Variants in APOO observed in about 807,000 individuals in gnomAD.
APOO encodes MICOS complex subunit MIC26.
APOO carries 11 observed loss-of-function variants against 23.1 expected under a neutral mutation model. That is an observed-to-expected ratio of 0.48 (90% CI 0.30 to 0.79). The LOEUF (loss-of-function observed/expected upper bound fraction) is 0.79. Ranked by LOEUF, APOO falls within the 30% of genes least tolerant of loss-of-function variation. APOO has a pLI of 0.07. For missense variants in APOO, 160 were observed against 142.7 expected, an observed-to-expected ratio of 1.12 and a Z score of -0.62; for synonymous variants, 59 against 54.8, an observed-to-expected ratio of 1.08 and a Z score of -0.34.
At chrX:23,886,728 C>T (rs765777370) in intron 1 of APOO, among the ~76,000 whole-genome samples, 7 of 111,635 alleles carry the variant, frequency 6.3e-5, no homozygotes, top group Non-Finnish European at 1.3e-4. Context: ...GATGACCCCA[C>T]CCTGCCTCAG....
At chrX:23,841,799 C>T (rs1395496256) in intron 7 of APOO, among the ~76,000 whole-genome samples, 1 of 110,599 alleles carries the variant, frequency 9.0e-6, no homozygotes, top group African/African-American at 3.3e-5. Context: ...TGCTGTTGCT[C>T]GAAATTGACA....
At chrX:23,860,499 G>A (rs1213195544) in intron 5 of APOO, among the ~76,000 whole-genome samples, 1 of 109,069 alleles carries the variant, frequency 9.2e-6, no homozygotes, top group East Asian at 2.9e-4. Flanking sequence ...GTAACATAGC[G>A]AGACTCCATC....
intron 4 of APOO, among the ~76,000 whole-genome samples, chrX:23,870,817 G>T (rs1490093811): frequency 9.1e-6 from 1 of 109,670 alleles, no homozygotes; most frequent in South Asian, 3.9e-4. Context: ...CAGGCCAGGC[G>T]CAGTGGTTCA....
chrX:23,900,607 G>A (rs929884067), intron 1 of APOO, among the ~76,000 whole-genome samples: 5 of 106,811 alleles, frequency 4.7e-5, no homozygotes, highest in African/African-American at 1.0e-4. Context: ...CCCAGGAGGC[G>A]GAGGGTGCGG....
chrX:23,870,029 CGAACAGAA>C (rs1925538659), intron 4 of APOO, among the ~76,000 whole-genome samples: 1 of 110,946 alleles, frequency 9.0e-6, no homozygotes, highest in Non-Finnish European at 1.9e-5. Flanking sequence ...ACTCATTACT[CGAACAGAA>C]GAACAGAATA....
At chrX:23,864,296 A>ATTTG (rs911640822) in intron 5 of APOO, among the ~76,000 whole-genome samples, 7 of 100,214 alleles carry the variant, frequency 7.0e-5, no homozygotes, top group South Asian at 8.9e-4. Context: ...TACCCGGCTG[A>ATTTG]TTTGTTTGTT....
chrX:23,881,164 G>A (rs1218363525), intron 1 of APOO, among the ~76,000 whole-genome samples: 1 of 109,982 alleles, frequency 9.1e-6, no homozygotes, highest in Non-Finnish European at 1.9e-5. Flanking sequence ...AACCTCCAAC[G>A]CCCAGGTTCA....
intron 4 of APOO, among the ~76,000 whole-genome samples, chrX:23,871,279 C>T (rs1315605697): frequency 5.8e-5 from 6 of 102,951 alleles, no homozygotes; most frequent in Admixed American, 1.1e-4. Context: ...AGGAGAATGG[C>T]GTAAACCCAG....
chrX:23,892,186 A>C (rs2147039399), intron 1 of APOO, among the ~76,000 whole-genome samples: 1 of 109,685 alleles, frequency 9.1e-6, no homozygotes, highest in Non-Finnish European at 1.9e-5. Flanking sequence ...CTGGGGTTCA[A>C]ACGATTCTCC....
intron 7 of APOO, among the ~76,000 whole-genome samples, chrX:23,854,369 T>TG (rs1299504646): frequency 8.9e-6 from 1 of 112,372 alleles, no homozygotes; most frequent in Non-Finnish European, 1.9e-5. Flanking sequence ...CTGGCTTTGG[T>TG]GTGCTTCAGT....
intron 5 of APOO, among the ~76,000 whole-genome samples, chrX:23,867,032 G>A (rs961165985): frequency 1.8e-5 from 2 of 109,492 alleles, no homozygotes; most frequent in Non-Finnish European, 3.8e-5. Context: ...CCCAGGAGGC[G>A]GAGGGTGCAG....
intron 1 of APOO, among the ~76,000 whole-genome samples, chrX:23,905,082 T>C (rs1927294622): frequency 9.1e-6 from 1 of 110,319 alleles, no homozygotes; most frequent in Non-Finnish European, 1.9e-5. Context: ...CCAAAGTACA[T>C]GTTCACCTGA....
chrX:23,851,923 G>A (rs1490103952), intron 7 of APOO, among the ~76,000 whole-genome samples: 1 of 111,532 alleles, frequency 9.0e-6, no homozygotes, highest in Non-Finnish European at 1.9e-5. Context: ...CCTGTTTTAT[G>A]TATGTATGTA....
intron 4 of APOO, among the ~76,000 whole-genome samples, chrX:23,869,834 C>A (rs1925524694): frequency 1.9e-5 from 2 of 106,848 alleles, no homozygotes; most frequent in South Asian, 8.2e-4. Flanking sequence ...CTCCTGTAAT[C>A]CCAGCTACTC....
chrX:23,887,422 C>T (rs997270863), intron 1 of APOO, among the ~76,000 whole-genome samples: 4 of 108,502 alleles, frequency 3.7e-5, no homozygotes, highest in Admixed American at 1.0e-4. Flanking sequence ...TTAGCAGAGA[C>T]GGGGTTTCAC....
intron 1 of APOO, among the ~76,000 whole-genome samples, chrX:23,887,626 G>A (rs768937862): frequency 1.8e-5 from 2 of 111,368 alleles, no homozygotes; most frequent in Admixed American, 9.7e-5. Flanking sequence ...TCCTTGAGAA[G>A]CCTTGTTGCC....
intron 7 of APOO, among the ~76,000 whole-genome samples, chrX:23,850,310 A>G (rs186613342): frequency 1.2e-3 from 133 of 112,294 alleles, no homozygotes; most frequent in African/African-American, 1.7e-3. Flanking sequence ...AAGTAAAGCC[A>G]CATACACATA....
chrX:23,888,500 A>G (rs767097979), intron 1 of APOO, among the ~76,000 whole-genome samples: 8 of 111,820 alleles, frequency 7.2e-5, no homozygotes, highest in Non-Finnish European at 1.5e-4. Flanking sequence ...AGCTTCCAGG[A>G]AGCTTATGAA....
At chrX:23,858,773 T>C in intron 5 of APOO, 40 bp from the exon 6 acceptor site, 2 of 1,099,602 alleles carry the variant, frequency 1.8e-6, no homozygotes, top group Non-Finnish European at 2.5e-6. Context: ...AGATGATTCA[T>C]TATCCTCACC....
Sources: gnomAD v4.1 joint callset for allele counts (sites outside exome capture counted in the v4.1 genomes callset) on GRCh38, gnomAD v4.1.1 for gene constraint, MANE v1.5 for transcripts, NCBI Gene and HGNC (gene_info 2026-07-23, HGNC 2026-07-21) for gene names.